ADAMTS3: variants seen among roughly 807,000 people sequenced by gnomAD.
The protein encoded by ADAMTS3 is A disintegrin and metalloproteinase with thrombospondin motifs 3.
ADAMTS3 carries 73 observed loss-of-function variants against 129.0 expected under a neutral mutation model. The ratio of observed to expected loss-of-function variants is 0.57; its 90% CI spans 0.47 to 0.69. The LOEUF is 0.69. Ranked by LOEUF, ADAMTS3 falls within the 30% of genes least tolerant of loss-of-function variation. The pLI, the probability that ADAMTS3 is intolerant of heterozygous loss-of-function variation, is 0.00. For synonymous variants in ADAMTS3, 477 were observed against 510.8 expected (o/e 0.93, Z 0.89); for missense variants, 1,457 against 1,514.5 (o/e 0.96, Z 0.63).
At chr4:72,334,932 T>G (rs531952783) in intron 5 of ADAMTS3, among the ~76,000 whole-genome samples, 1 of 152,224 alleles carries the variant, frequency 6.6e-6, no homozygotes, top group South Asian at 2.1e-4. Context: ...AAAAAGCAGA[T>G]GAAAGACATC....
In ADAMTS3 at chr4:72,568,826, C is replaced by CCCCCCCA; in HGVS notation, c.-65_-64insTGGGGGG. 8.2e-7 allele frequency: 1 copy of CCCCCCCA among 1,213,360 alleles called. No homozygotes were observed. Among genetic ancestry groups the CCCCCCCA allele is most frequent in the South Asian group, 1.3e-5 (1 of 74,254 alleles). The allele number at this position is 1,213,360 out of a possible 1,614,324, so 75.2% of individuals were successfully genotyped here. A position where few individuals can be genotyped will look rare whatever the true frequency, so the allele number is the denominator to read the frequency against. ...AATGCCCAGAGCAAACCCACCCCCC[C>CCCCCCCA]CGCCCAAAATAAGTTTCTTTAAGAA... On this transcript the variant is annotated 5_prime_UTR_variant, in exon 1 of 22. Coordinates refer to ENST00000286657, the MANE Select transcript of ADAMTS3 (RefSeq NM_014243.3).
chr4:72,417,580 C>G (rs1722335758), intron 3 of ADAMTS3, among the ~76,000 whole-genome samples: 1 of 151,980 alleles, frequency 6.6e-6, no homozygotes, highest in Non-Finnish European at 1.5e-5. Flanking sequence ...TCCATGGACC[C>G]AAAATCTGAA....
At chr4:72,463,750 C>T (rs1256079083) in intron 3 of ADAMTS3, among the ~76,000 whole-genome samples, 2 of 150,440 alleles carry the variant, frequency 1.3e-5, no homozygotes. Context: ...TAAAGATTTC[C>T]TCTTCCACAA....
chr4:72,398,444 G>T (rs897263658), intron 4 of ADAMTS3, among the ~76,000 whole-genome samples: 1 of 151,976 alleles, frequency 6.6e-6, no homozygotes, highest in Admixed American at 6.6e-5. Context: ...GCATAGTAAC[G>T]CACAACTGTA....
chr4:72,554,781 T>C (rs6846135), intron 2 of ADAMTS3, among the ~76,000 whole-genome samples: 134,189 of 151,678 alleles, frequency 0.88, 62,141 homozygotes, highest in East Asian at 1. Flanking sequence ...CTAAGTATTA[T>C]ACAAATTATA....
At chr4:72,493,630 G>T (rs1719801804) in intron 3 of ADAMTS3, among the ~76,000 whole-genome samples, 1 of 151,962 alleles carries the variant, frequency 6.6e-6, no homozygotes, top group Non-Finnish European at 1.5e-5. Context: ...GCACCACTTT[G>T]ATGATGTTAC....
intron 4 of ADAMTS3, among the ~76,000 whole-genome samples, chr4:72,409,781 G>A (rs182236493): frequency 2.4e-4 from 37 of 152,062 alleles, no homozygotes; most frequent in African/African-American, 7.7e-4. Flanking sequence ...TCTTCATATT[G>A]CCTTCATTTT....
rs1720101118 is a variant in ADAMTS3, at chr4:72,340,298, G to C, written c.662-605C>G. Among the ~76,000 whole-genome samples, 3 of 140,418 alleles carry C rather than the reference G, an allele frequency of 2.1e-5. No homozygotes were observed. In the Middle Eastern group the frequency reaches 0.011, roughly 498 times the overall value. The allele number at this position is 140,418 out of a possible 152,430, so 92.1% of individuals were successfully genotyped here. On this transcript the variant is annotated intron_variant, in intron 4 of 21. Coordinates refer to ENST00000286657, the MANE Select transcript of ADAMTS3 (RefSeq NM_014243.3). ...GCCAGCGAAGAAGTGGATATACAGG[G>C]TATATACTATATACATAAGTGTGTG...
In ADAMTS3 at chr4:72,449,189, C is replaced by T. The variant is rs1369014876; in HGVS notation, c.505-34218G>A. 3.3e-5 allele frequency among the ~76,000 whole-genome samples: 5 copies of T among 151,588 alleles called. No individual in the cohort carries two copies. The East Asian group carries it at 7.8e-4, about 24-fold the overall frequency. On this transcript the variant is annotated intron_variant, in intron 3 of 21. Transcript: ENST00000286657. The stretch of plus-strand genomic sequence containing the variant: ...ATTTACTTTACTTAAGTGTTCCCAC[C>T]GAGTCCCATGGTTGTAAAGAGCATC...
chr4:72,362,281 A>G (rs751433825), intron 4 of ADAMTS3, among the ~76,000 whole-genome samples: 2 of 152,184 alleles, frequency 1.3e-5, no homozygotes, highest in Non-Finnish European at 2.9e-5. Context: ...ATGAGAAGTC[A>G]ACTGGTCATA....
chr4:72,292,893 T>C (rs1197622344), intron 19 of ADAMTS3, among the ~76,000 whole-genome samples: 2 of 152,300 alleles, frequency 1.3e-5, no homozygotes, highest in African/African-American at 2.4e-5. Context: ...CTGAGGAATT[T>C]TGCTCAATTT....
intron 4 of ADAMTS3, among the ~76,000 whole-genome samples, chr4:72,392,199 C>T (rs1721611884): frequency 6.6e-6 from 1 of 152,138 alleles, no homozygotes; most frequent in South Asian, 2.1e-4. Context: ...CAGGGCCCCT[C>T]CCACTGTACC....
chr4:72,300,541 G>A (rs562990616), intron 17 of ADAMTS3, among the ~76,000 whole-genome samples: 18 of 152,166 alleles, frequency 1.2e-4, no homozygotes, highest in Non-Finnish European at 2.4e-4. Flanking sequence ...CAGGATGAGA[G>A]TCTAGAATAG....
intron 21 of ADAMTS3, among the ~76,000 whole-genome samples, chr4:72,285,550 T>A (rs1718483814): frequency 6.6e-6 from 1 of 152,010 alleles, no homozygotes; most frequent in Non-Finnish European, 1.5e-5. Context: ...CGACCTGTTT[T>A]CTCTGAGTTA....
At chr4:72,504,480 C>T (rs952508974) in intron 3 of ADAMTS3, among the ~76,000 whole-genome samples, 1 of 152,044 alleles carries the variant, frequency 6.6e-6, no homozygotes, top group Non-Finnish European at 1.5e-5. Context: ...TGACCTTTTA[C>T]TCTGGTTACA....
At position 72,434,882 on chromosome 4, in the gene ADAMTS3, TA is replaced by T. The variant is rs1298414991; in HGVS notation, c.505-19912del. Among the ~76,000 whole-genome samples, 9 of 151,906 alleles carry T rather than the reference TA, an allele frequency of 5.9e-5. No homozygotes were observed. In the South Asian group the frequency reaches 1.0e-3, roughly 18 times the overall value. ...GCCGTCTATGCAGATGATTACATGT[TA>T]AAGATCTGAGTGTGGCCTCTAGGAG... On this transcript the variant is annotated intron_variant, in intron 3 of 21. Transcript: ENST00000286657.
intron 2 of ADAMTS3, among the ~76,000 whole-genome samples, chr4:72,556,418 A>T (rs991273243): frequency 6.6e-6 from 1 of 151,822 alleles, no homozygotes; most frequent in African/African-American, 2.4e-5. Context: ...CACACTATAG[A>T]ACTGTAAAAG....
intron 4 of ADAMTS3, among the ~76,000 whole-genome samples, chr4:72,407,185 T>G (rs1357345012): frequency 6.6e-6 from 1 of 152,050 alleles, no homozygotes; most frequent in Non-Finnish European, 1.5e-5. Flanking sequence ...CCAGGCATAC[T>G]AAATGAGGAA....
chr4:72,345,322 C>A (rs570728317), intron 4 of ADAMTS3, among the ~76,000 whole-genome samples: 1 of 152,106 alleles, frequency 6.6e-6, no homozygotes, highest in East Asian at 1.9e-4. Context: ...TAAATTCCAA[C>A]AAATGTCATC....
Sources: allele counts gnomAD v4.1 joint callset (sites outside exome capture counted in the v4.1 genomes callset), GRCh38; gene constraint gnomAD v4.1.1; transcripts MANE v1.5; gene names NCBI Gene and HGNC (gene_info 2026-07-23, HGNC 2026-07-21).